The following ZNF541 variants were observed in gnomAD, a reference collection of about 807,000 sequenced individuals.
ZNF541 encodes the protein zinc finger protein 541.
A neutral mutation model predicts 123.5 loss-of-function variants in ZNF541; 23 were observed. That is an observed-to-expected ratio of 0.19 (90% confidence interval 0.13 to 0.26). The LOEUF (loss-of-function observed/expected upper bound fraction) is 0.26, where lower values mean the gene tolerates loss of function less well. Ranked by LOEUF, ZNF541 falls within the 10% of genes least tolerant of loss-of-function variation. The pLI is 1.00. For synonymous variants in ZNF541, 751 were observed against 754.5 expected, an observed-to-expected ratio of 1.00 and a Z score of 0.08; for missense variants, 1,612 against 1,789.9, an observed-to-expected ratio of 0.90 and a Z score of 1.79.
chr19:47,526,881 G>A (rs555200554), intron 14 of ZNF541, among the ~76,000 whole-genome samples: 2 of 152,280 alleles, frequency 1.3e-5, no homozygotes, highest in East Asian at 3.9e-4. Flanking sequence ...GTACCTGAAT[G>A]TTCATAACGA....
intron 3 of ZNF541, among the ~76,000 whole-genome samples, chr19:47,555,145 G>C (rs1217799742): frequency 6.6e-6 from 1 of 151,296 alleles, no homozygotes; most frequent in Non-Finnish European, 1.5e-5. Flanking sequence ...TGAGGCGGGC[G>C]GATCATGAGG....
intron 14 of ZNF541, among the ~76,000 whole-genome samples, chr19:47,524,058 G>A (rs1969173949): frequency 6.6e-6 from 1 of 152,192 alleles, no homozygotes; most frequent in Non-Finnish European, 1.5e-5. Context: ...TGATGCAGGG[G>A]GCACTGGGTA....
chr19:47,571,830 G>A (rs1227638397), intron 2 of ZNF541, among the ~76,000 whole-genome samples, 66 bp downstream of exon 2: 1 of 152,136 alleles, frequency 6.6e-6, no homozygotes, highest in Non-Finnish European at 1.5e-5. Context: ...AAACCCTCTT[G>A]AGAAAGAACG....
At chr19:47,570,681 ATTAGT>A (rs762675990) in intron 2 of ZNF541, among the ~76,000 whole-genome samples, 25 of 151,602 alleles carry the variant, frequency 1.6e-4, no homozygotes, top group Admixed American at 1.2e-3. Context: ...TTGAAAGTTG[ATTAGT>A]TTAAACTTCT....
intron 11 of ZNF541, 91 bp downstream of exon 11, chr19:47,532,037 G>A (rs751707665): frequency 3.7e-5 from 55 of 1,490,122 alleles, no homozygotes; most frequent in African/African-American, 5.6e-5. Flanking sequence ...TGGATCTAGC[G>A]GTCAGGAGTT....
At chr19:47,540,731 C>T (rs975324989) in intron 6 of ZNF541, among the ~76,000 whole-genome samples, 162 bp downstream of exon 6, 3 of 152,180 alleles carry the variant, frequency 2.0e-5, no homozygotes, top group Admixed American at 1.3e-4. Context: ...TGAGCCACCG[C>T]GTCCAGCCTG....
chr19:47,551,972 G>A (rs866714611), intron 3 of ZNF541, among the ~76,000 whole-genome samples: 3 of 152,072 alleles, frequency 2.0e-5, no homozygotes, highest in African/African-American at 4.8e-5. Flanking sequence ...ATTCTCCTGC[G>A]TCAGCCTCCT....
At chr19:47,530,144 G>C (rs1279787889) in intron 12 of ZNF541, among the ~76,000 whole-genome samples, 1 of 151,184 alleles carries the variant, frequency 6.6e-6, no homozygotes, top group Non-Finnish European at 1.5e-5. Context: ...GGGTACCACT[G>C]TACCCAGCTA....
chr19:47,567,056 T>C (rs1193420686), intron 2 of ZNF541, among the ~76,000 whole-genome samples: 1 of 150,920 alleles, frequency 6.6e-6, no homozygotes, highest in Non-Finnish European at 1.5e-5. Flanking sequence ...ATCTCAAAAA[T>C]AAATAAATAA....
intron 14 of ZNF541, among the ~76,000 whole-genome samples, chr19:47,525,669 T>G (rs1969253198): frequency 6.6e-6 from 1 of 152,104 alleles, no homozygotes; most frequent in Admixed American, 6.5e-5. Context: ...ATCCCAGCAC[T>G]TTGGGAGGCC....
chr19:47,521,836 C>A lies in ZNF541; in HGVS notation c.3711+18G>T. 5 of 1,549,922 alleles carry A rather than the reference C, an allele frequency of 3.2e-6. No homozygotes were observed. Among genetic ancestry groups the A allele is most frequent in the Non-Finnish European group, 4.4e-6 (5 of 1,145,874 alleles). Reference sequence around the variant, plus strand: ...TGGGAGGAGAGAAGAGCTCCCGACACAGCCCTGGTTCCTCTACCTTTTCCT... The same window carrying A: ...TGGGAGGAGAGAAGAGCTCCCGACAAAGCCCTGGTTCCTCTACCTTTTCCT... On this transcript the variant is annotated intron_variant, in intron 15 of 16. Coordinates refer to ENST00000391901, the MANE Select transcript of ZNF541 (RefSeq NM_001277075.3). The surrounding 1 kb of genome is among the most constrained non-coding windows in gnomAD (Gnocchi z 4.2).
chr19:47,524,707 A>G (rs1191358668), intron 14 of ZNF541, among the ~76,000 whole-genome samples: 4 of 129,446 alleles, frequency 3.1e-5, no homozygotes, highest in Non-Finnish European at 6.7e-5. Context: ...GACTCTGTCT[A>G]AAAAAAAAAA....
chr19:47,524,471 C>T (rs1484128682), intron 14 of ZNF541, among the ~76,000 whole-genome samples: 4 of 151,810 alleles, frequency 2.6e-5, no homozygotes, highest in South Asian at 2.1e-4. Flanking sequence ...TTTGGGAGGC[C>T]GAGGCAGGAG....
chr19:47,572,104 A>G (rs565438406), intron 1 of ZNF541, among the ~76,000 whole-genome samples, 62 bp from the exon 2 acceptor site: 1 of 152,372 alleles, frequency 6.6e-6, no homozygotes, highest in African/African-American at 2.4e-5. Flanking sequence ...AAACAAGAAC[A>G]GAGATGTGAA....
At chr19:47,561,269 G>GA (rs1052418272) in intron 2 of ZNF541, among the ~76,000 whole-genome samples, 1 of 151,702 alleles carries the variant, frequency 6.6e-6, no homozygotes, top group African/African-American at 2.4e-5. Flanking sequence ...CTGTCTCTAT[G>GA]AAAAAAAATT....
In ZNF541 at chr19:47,544,108, G is replaced by GT. The variant is rs1970197975; in HGVS notation, c.2403+17dup. 5.9e-6 allele frequency: 9 copies of GT among 1,534,248 alleles called. No individual in the cohort carries two copies. The East Asian group carries it at 2.2e-4, about 38-fold the overall frequency. ...ACTCACTCCACTCTGGTCAGGCCAC[G>GT]TGAGAGAGAGCTGGTACCTGGATTC... On this transcript the variant is annotated intron_variant, in intron 5 of 16. Coordinates refer to ENST00000391901, the MANE Select transcript of ZNF541 (RefSeq NM_001277075.3).
chr19:47,554,197 G>T (rs1369880443), intron 3 of ZNF541, among the ~76,000 whole-genome samples: 1 of 152,168 alleles, frequency 6.6e-6, no homozygotes, highest in Non-Finnish European at 1.5e-5. Context: ...ACTTTGGAAG[G>T]CCAAGGTAGG....
At chr19:47,566,197 T>G (rs1026900430) in intron 2 of ZNF541, among the ~76,000 whole-genome samples, 2 of 150,998 alleles carry the variant, frequency 1.3e-5, no homozygotes, top group African/African-American at 4.9e-5. Context: ...AAAATAAAAT[T>G]TAAAGGGGCC....
At chr19:47,569,285 T>C (rs1038019321) in intron 2 of ZNF541, among the ~76,000 whole-genome samples, 4 of 152,216 alleles carry the variant, frequency 2.6e-5, no homozygotes, top group African/African-American at 9.6e-5. Flanking sequence ...TGAACATTTA[T>C]TGAGGCTTTA....
Sources: allele counts gnomAD v4.1 joint callset (sites outside exome capture counted in the v4.1 genomes callset), GRCh38; gene constraint gnomAD v4.1.1; non-coding constraint Gnocchi (gnomAD v3.1); transcripts MANE v1.5; gene names NCBI Gene and HGNC (gene_info 2026-07-23, HGNC 2026-07-21).